FILIP1L: variants seen among roughly 807,000 people sequenced by gnomAD.
The protein encoded by FILIP1L is filamin A interacting protein 1 like, also known as filamin A-interacting protein 1-like.
In FILIP1L, 55 loss-of-function variants were observed where a neutral mutation model predicts 96.6. The observed-to-expected ratio is 0.57, with a 90% CI of 0.46 to 0.71. The LOEUF (loss-of-function observed/expected upper bound fraction) is 0.71, where lower values mean the gene tolerates loss of function less well. FILIP1L is among the 30% of genes least tolerant of loss of function. The pLI, the probability that FILIP1L is intolerant of heterozygous loss-of-function variation, is 0.00. For synonymous variants in FILIP1L, 467 were observed against 473.9 expected (o/e 0.99, Z 0.19); for missense variants, 1,304 against 1,321.2 (o/e 0.99, Z 0.20).
chr3:100,110,539 C>T (rs2107475811), intron 1 of FILIP1L, among the ~76,000 whole-genome samples: 1 of 152,194 alleles, frequency 6.6e-6, no homozygotes, highest in South Asian at 2.1e-4. Flanking sequence ...GGAATTACAA[C>T]AAACTTTAAA....
chr3:99,875,506 T>G (rs759760757), intron 4 of FILIP1L, among the ~76,000 whole-genome samples: 6 of 152,228 alleles, frequency 3.9e-5, no homozygotes, highest in Non-Finnish European at 8.8e-5. Flanking sequence ...AATTGACATA[T>G]GCTTTTACGA....
At chr3:99,877,903 CT>C (rs1244550796) in intron 4 of FILIP1L, among the ~76,000 whole-genome samples, 2 of 152,212 alleles carry the variant, frequency 1.3e-5, no homozygotes, top group Non-Finnish European at 2.9e-5. Flanking sequence ...CTTTTTCCCT[CT>C]GATAGGCAAA....
chr3:99,921,803 A>G (rs1359272344), intron 4 of FILIP1L, among the ~76,000 whole-genome samples: 1 of 152,166 alleles, frequency 6.6e-6, no homozygotes, highest in African/African-American at 2.4e-5. Context: ...TCATATATTG[A>G]TTTAGTAGTA....
chr3:99,954,196 C>G (rs534123573), intron 1 of FILIP1L, among the ~76,000 whole-genome samples: 85 of 152,350 alleles, frequency 5.6e-4, no homozygotes, highest in African/African-American at 2.0e-3. Flanking sequence ...GATCAGGAAG[C>G]TGAAGTCCAT....
chr3:99,903,194 G>A (rs1706493347), intron 4 of FILIP1L, among the ~76,000 whole-genome samples: 1 of 151,966 alleles, frequency 6.6e-6, no homozygotes, highest in African/African-American at 2.4e-5. Context: ...ACTTAAAACA[G>A]TAGCTGGCAC....
At chr3:99,983,446 GTATATATATATATGTGTGTATATATA>G (rs1709210111) in intron 1 of FILIP1L, among the ~76,000 whole-genome samples, 1 of 87,810 alleles carries the variant, frequency 1.1e-5, no homozygotes, top group African/African-American at 5.5e-5. Flanking sequence ...ATATATGTAT[GTATATATATATATGTGTGTATATATA>G]TATATATATA....
intron 1 of FILIP1L, among the ~76,000 whole-genome samples, chr3:100,045,765 ATG>A (rs2065269519): frequency 6.6e-6 from 1 of 152,230 alleles, no homozygotes; most frequent in South Asian, 2.1e-4. Flanking sequence ...TTTGCTGTGA[ATG>A]TGGGGAAACC....
At chr3:99,855,043 G>A (rs1943890152) in intron 4 of FILIP1L, among the ~76,000 whole-genome samples, 1 of 152,098 alleles carries the variant, frequency 6.6e-6, no homozygotes, top group African/African-American at 2.4e-5. Flanking sequence ...ACTGACTGTG[G>A]GTAACAAGGC....
chr3:99,994,816 A>G, intron 1 of FILIP1L, among the ~76,000 whole-genome samples: 1 of 152,152 alleles, frequency 6.6e-6, no homozygotes. Flanking sequence ...TCCTGATAAA[A>G]CCATCAGATC....
intron 4 of FILIP1L, among the ~76,000 whole-genome samples, chr3:99,885,883 G>A (rs1576547766): frequency 1.3e-5 from 2 of 152,296 alleles, no homozygotes; most frequent in East Asian, 3.9e-4. Context: ...AATCTAGAAT[G>A]GGGAATCTAT....
Position 99,830,447 on chromosome 3 carries a change from G to A in FILIP1L, c.3540C>T (p.Ser1180=), listed in dbSNP as rs749166055. 7.5e-5 allele frequency: 34 copies of A among 455,148 alleles called. No individual in the cohort carries two copies. Among genetic ancestry groups the A allele is most frequent in the African/African-American group, 5.6e-4 (28 of 50,040 alleles). 28.2% of individuals were successfully genotyped at this position (455,148 alleles called of 1,614,324 possible). A position where few individuals can be genotyped will look rare whatever the true frequency, so the allele number is the denominator to read the frequency against. ...TCCCTCCCACGTGGAGGAAGGTGTT[G>A]GAGGTGACAGTTCTCACGATGTGTA... ...GKLHIVRTVT[S]NTFLHVGGRR The change falls in exon 6 of 6, where the codon TCC becomes TCT. Residue 1180 remains serine, a synonymous_variant. Transcript: ENST00000477258.
intron 1 of FILIP1L, among the ~76,000 whole-genome samples, chr3:99,997,357 A>G (rs914272513): frequency 2.6e-5 from 4 of 152,226 alleles, no homozygotes; most frequent in Non-Finnish European, 5.9e-5. Context: ...TAGAAAACCT[A>G]GAGGAAATGG....
At chr3:99,936,665 G>A (rs931748487) in intron 1 of FILIP1L, among the ~76,000 whole-genome samples, 6 of 148,744 alleles carry the variant, frequency 4.0e-5, no homozygotes, top group East Asian at 2.1e-4. Context: ...AGCCACCTGC[G>A]CCCAGCCCGC....
intron 1 of FILIP1L, among the ~76,000 whole-genome samples, chr3:100,109,723 A>C (rs1244525161): frequency 6.6e-6 from 1 of 152,150 alleles, no homozygotes. Flanking sequence ...TACCAATTGA[A>C]GGGGTTGTTT....
intron 1 of FILIP1L, among the ~76,000 whole-genome samples, chr3:100,018,196 T>C (rs1404109044): frequency 6.6e-6 from 1 of 152,040 alleles, no homozygotes; most frequent in Non-Finnish European, 1.5e-5. Flanking sequence ...CGTGGTGGCA[T>C]GTCCCTGTAA....
At chr3:99,904,793 C>G (rs1177318300) in intron 4 of FILIP1L, among the ~76,000 whole-genome samples, 1 of 152,156 alleles carries the variant, frequency 6.6e-6, no homozygotes, top group African/African-American at 2.4e-5. Flanking sequence ...AATCTTCAAT[C>G]TCAGTTGGCT....
At chr3:99,911,661 C>G (rs907730918) in intron 4 of FILIP1L, among the ~76,000 whole-genome samples, 1 of 152,190 alleles carries the variant, frequency 6.6e-6, no homozygotes, top group African/African-American at 2.4e-5. Context: ...TAATTGCTGC[C>G]TGCTGGGAAA....
rs778830328 is a variant in FILIP1L at position 99,848,633 on chromosome 3, C to T, written c.3043G>A (p.Glu1015Lys). The change falls in exon 5 of 6, where the codon GAG becomes AAG. Residue 1015 changes from glutamate to lysine, a missense_variant. By Grantham distance (56) the Glu-to-Lys change is moderately conservative (BLOSUM62 1). Transcript: ENST00000477258. ...GTTGGTTCTGGGGAGCGTCCCTGCTCAGGAGAGCTAGCTGAACCAGTCACA... is the reference window on the plus strand; with the variant it reads ...GTTGGTTCTGGGGAGCGTCCCTGCTTAGGAGAGCTAGCTGAACCAGTCACA... ...LAVTGSASSP[E>K]QGRSPEPTEI... 1 of 1,614,152 alleles carries T rather than the reference C, an allele frequency of 6.2e-7. No homozygotes were observed. The highest frequency in any genetic ancestry group is 8.5e-7 in the Non-Finnish European group (1 of 1,180,026).
At chr3:100,011,040 T>A (rs907079573) in intron 1 of FILIP1L, among the ~76,000 whole-genome samples, 1 of 152,106 alleles carries the variant, frequency 6.6e-6, no homozygotes, top group Non-Finnish European at 1.5e-5. Flanking sequence ...AAACCCAGGA[T>A]TCTGTGGTGC....
Sources: gnomAD v4.1 joint callset for allele counts (sites outside exome capture counted in the v4.1 genomes callset) on GRCh38, gnomAD v4.1.1 for gene constraint, MANE v1.5 for transcripts, NCBI Gene and HGNC (gene_info 2026-07-23, HGNC 2026-07-21) for gene names.